Variants in STXBP2 observed in about 807,000 individuals in gnomAD.
STXBP2 encodes the protein syntaxin-binding protein 2.
Under a neutral mutation model 72.2 loss-of-function variants are expected in STXBP2, and 47 were observed. The observed-to-expected ratio is 0.65, with a 90% CI of 0.51 to 0.83. STXBP2 has a LOEUF of 0.83. STXBP2 is among the 40% of genes least tolerant of loss of function. The pLI is 0.00. For missense variants in STXBP2, 702 were observed against 807.6 expected (o/e 0.87, Z 1.58); for synonymous variants, 367 against 338.7 (o/e 1.08, Z -0.92).
chr19:7,632,761 GTCCC>G, upstream of STXBP2: 3 of 1,568,840 alleles, frequency 1.9e-6, no homozygotes, highest in Non-Finnish European at 2.6e-6. The surrounding 1 kb of genome is among the most constrained non-coding windows in gnomAD (Gnocchi z 5.2). Context: ...GAACAGCGCT[GTCCC>G]TCCATCCGGT....
intron 3 of STXBP2, chr19:7,639,418 T>G: frequency 1.7e-6 from 1 of 575,334 alleles, no homozygotes; most frequent in Non-Finnish European, 3.1e-6. Flanking sequence ...GTCCCAAGAA[T>G]GCAGAGCCTT....
the STXBP2 span, chr19:7,630,120 G>A: frequency 8.2e-6 from 4 of 489,646 alleles, no homozygotes; most frequent in Non-Finnish European, 1.4e-5. Context: ...AGCTGAGAAG[G>A]GGGCTCTAAA....
intron 13 of STXBP2, among the ~76,000 whole-genome samples, chr19:7,643,717 T>G: frequency 7.3e-6 from 1 of 136,922 alleles, no homozygotes; most frequent in African/African-American, 2.8e-5. Context: ...CTTGGAGAGG[T>G]GGGACCTGGG....
intron 4 of STXBP2, 132 bp downstream of exon 4, chr19:7,639,939 CATGTGTGTGCATGT>C (rs1568464298): frequency 4.7e-6 from 2 of 424,428 alleles, no homozygotes; most frequent in Non-Finnish European, 8.0e-6. Flanking sequence ...TATGTGTGTG[CATGTGTGTGCATGT>C]GTGTGTGCAT....
Position 7,644,858 on chromosome 19 carries a change from C to T in STXBP2, c.1246+106C>T, listed in dbSNP as rs576474934. ...CTCTCCTTGGGTCATTTGCACTCAC[C>T]GGGCTCACCAACCCCCACAGCTACC... On this transcript the variant is annotated intron_variant, in intron 14 of 18. Coordinates refer to ENST00000221283, the MANE Select transcript of STXBP2 (RefSeq NM_006949.4). 1.1e-4 allele frequency: 167 copies of T among 1,564,370 alleles called. 1 individual carries two copies. Among genetic ancestry groups the T allele is most frequent in the Middle Eastern group, 1.7e-4 (1 of 5,896 alleles).
At chr19:7,640,706 C>T (rs1568465975) in intron 4 of STXBP2, 25 bp from the exon 5 acceptor site, 1 of 1,614,112 alleles carries the variant, frequency 6.2e-7, no homozygotes, top group South Asian at 1.1e-5. Flanking sequence ...AGGCTCAGGC[C>T]CAGAGAGTGA....
chr19:7,643,232 G>A lies in STXBP2; in HGVS notation c.1094G>A (p.Cys365Tyr). ...KHFKGSVEKL[C>Y]SVEQDLAMGS... ...TTCAAGGGCTCGGTGGAGAAGCTGT[G>A]TAGTGTGGAGCAGGTGGGGCAGGGC... The change falls in exon 13 of 19, where the codon TGT (cysteine) becomes TAT (tyrosine). Residue 365 changes from cysteine (C) to tyrosine (Y), a missense_variant. Physicochemically the swap from Cys to Tyr is radical, Grantham distance 194. Coordinates refer to ENST00000221283, the MANE Select transcript of STXBP2 (RefSeq NM_006949.4). The A allele has an allele frequency of 1.2e-6, 2 of 1,613,772 alleles. No individual in the cohort carries two copies. Among genetic ancestry groups the A allele is most frequent in the South Asian group, 2.2e-5 (2 of 91,068 alleles).
chr19:7,645,458 TCTGGGGCCCAGAGGACA>T (rs1167159007), intron 15 of STXBP2, 152 bp downstream of exon 15: 1 of 698,964 alleles, frequency 1.4e-6, no homozygotes, highest in Non-Finnish European at 2.4e-6. Flanking sequence ...TCGGGTCTGG[TCTGGGGCCCAGAGGACA>T]CTGGGGCCTC....
chr19:7,639,879 T>C (rs977653093), intron 4 of STXBP2, 72 bp downstream of exon 4: 6 of 1,432,928 alleles, frequency 4.2e-6, no homozygotes, highest in African/African-American at 1.4e-5. Context: ...TATGTCTGCA[T>C]GCATGTGATT....
chr19:7,640,132 A>G (rs1384226378), intron 4 of STXBP2: 17 of 531,788 alleles, frequency 3.2e-5, no homozygotes, highest in Admixed American at 1.6e-4. Flanking sequence ...GTGTGTATGT[A>G]TGTGTGTGTG....
intron 13 of STXBP2, 148 bp from the exon 14 acceptor site, chr19:7,644,466 G>T: frequency 9.4e-7 from 1 of 1,064,944 alleles, no homozygotes; most frequent in Non-Finnish European, 1.4e-6. Context: ...TCCCTGGACA[G>T]GGGTGGGACC....
intron 1 of STXBP2, among the ~76,000 whole-genome samples, chr19:7,638,195 C>T (rs2031639378): frequency 6.6e-6 from 1 of 152,252 alleles, no homozygotes; most frequent in Admixed American, 6.5e-5. Flanking sequence ...TGCCCCAGCA[C>T]TCTGCCACTT....
rs11538945 is a variant in STXBP2, at chr19:7,639,096, C to T, written c.165C>T (p.Ile55=). 6.8e-4 allele frequency: 1,090 copies of T among 1,614,204 alleles called. 9 individuals carry two copies. In the East Asian group the frequency reaches 0.02, roughly 29 times the overall value. The change falls in exon 3 of 19, where the codon ATC becomes ATT. Residue 55 remains isoleucine (I), a synonymous_variant. Transcript: ENST00000221283. ...TGTCAGATATCCTGGCTGAGGGCATCACCAGTGAGTGAACGCGTCCCCAGT... is the reference window on the plus strand; with the variant it reads ...TGTCAGATATCCTGGCTGAGGGCATTACCAGTGAGTGAACGCGTCCCCAGT... ...CKMSDILAEG[I]TIVEDINKRR... is the part of the protein sequence containing the mutation.
At chr19:7,632,528 G>A (rs79635098), upstream of STXBP2, 4,895 of 1,612,218 alleles carry the variant, frequency 3.0e-3, 129 homozygotes, top group East Asian at 0.054. The surrounding 1 kb of genome is among the most constrained non-coding windows in gnomAD (Gnocchi z 5.2). Flanking sequence ...CTGCGTGGAC[G>A]TTCACAGACT....
upstream of STXBP2, chr19:7,632,692 C>T: frequency 6.5e-7 from 1 of 1,549,846 alleles, no homozygotes. This position sits in a 1 kb window ranked among gnomAD's most constrained non-coding sequence, Gnocchi z 5.2. Context: ...GCCCCATGGA[C>T]AGCACCCCCG....
At chr19:7,632,046 A>G, upstream of STXBP2, 1 of 492,424 alleles carries the variant, frequency 2.0e-6, no homozygotes, top group Non-Finnish European at 3.5e-6. This position sits in a 1 kb window ranked among gnomAD's most constrained non-coding sequence, Gnocchi z 5.2. Context: ...TGAAGTCAAC[A>G]GATGTGAGTA....
At chr19:7,634,865 C>T (rs1337849128), upstream of STXBP2, among the ~76,000 whole-genome samples, 4 of 152,170 alleles carry the variant, frequency 2.6e-5, no homozygotes, top group Non-Finnish European at 4.4e-5. Flanking sequence ...TCCCTGCCTC[C>T]GTGGTCACAT....
chr19:7,645,465 C>A (rs1599404946), intron 15 of STXBP2, 159 bp downstream of exon 15: 1 of 659,096 alleles, frequency 1.5e-6, no homozygotes, highest in East Asian at 2.8e-5. Flanking sequence ...TGGTCTGGGG[C>A]CCAGAGGACA....
chr19:7,646,700 G>A, intron 16 of STXBP2: 1 of 404,928 alleles, frequency 2.5e-6, no homozygotes, highest in Non-Finnish European at 4.6e-6. Context: ...CGGCTTCCTG[G>A]CTTCCTCCTT....
Sources: allele counts gnomAD v4.1 joint callset (sites outside exome capture counted in the v4.1 genomes callset), GRCh38; gene constraint gnomAD v4.1.1; non-coding constraint Gnocchi (gnomAD v3.1); transcripts MANE v1.5; gene names NCBI Gene and HGNC (gene_info 2026-07-23, HGNC 2026-07-21).